Variants in TRHDE observed in about 807,000 individuals in gnomAD.
The protein encoded by TRHDE is thyrotropin releasing hormone degrading enzyme, also known as thyrotropin-releasing hormone-degrading ectoenzyme.
In TRHDE, 72 loss-of-function variants were observed where a neutral mutation model predicts 125.7. The ratio of observed to expected loss-of-function variants is 0.57; its 90% CI spans 0.47 to 0.70. TRHDE has a LOEUF of 0.70. Ranked by LOEUF, TRHDE falls within the 30% of genes least tolerant of loss-of-function variation. TRHDE has a pLI of 0.00. For missense variants in TRHDE, 1,110 were observed against 1,327.1 expected, an observed-to-expected ratio of 0.84 and a Z score of 2.54; for synonymous variants, 509 against 509.1, an observed-to-expected ratio of 1.00 and a Z score of 0.00.
chr12:72,180,614 C>G (rs1877077346), intron 2 of TRHDE, among the ~76,000 whole-genome samples: 1 of 152,240 alleles, frequency 6.6e-6, no homozygotes, highest in East Asian at 1.9e-4. Context: ...AAATCAGTTT[C>G]TTTGTCCTGG....
rs146906711 is a variant in TRHDE at position 72,524,764 on chromosome 12, G to A, written c.1723-17527G>A. The stretch of plus-strand genomic sequence containing the variant: ...TACTATGCTTTTGTCCTTGTCTGTC[G>A]TGTCAGAACACATGAGATGTTCACC... On this transcript the variant is annotated intron_variant, in intron 6 of 18. Transcript: ENST00000261180. Among the ~76,000 whole-genome samples, 1,454 of 152,092 alleles carry A rather than the reference G, an allele frequency of 9.6e-3. 28 individuals carry two copies. Among genetic ancestry groups the A allele is most frequent in the African/African-American group, 0.034 (1,403 of 41,484 alleles).
intron 18 of TRHDE, among the ~76,000 whole-genome samples, chr12:72,662,387 C>T (rs1025199203): frequency 6.6e-6 from 1 of 152,102 alleles, no homozygotes; most frequent in African/African-American, 2.4e-5. Flanking sequence ...TATGGCAAAA[C>T]ATTTAAGAAT....
intron 3 of TRHDE, among the ~76,000 whole-genome samples, chr12:72,405,152 G>C (rs1565729275): frequency 6.6e-6 from 1 of 152,150 alleles, no homozygotes; most frequent in Non-Finnish European, 1.5e-5. Flanking sequence ...TTTTACAAAA[G>C]ACAAAACTGA....
chr12:72,447,395 A>G (rs1875346915), intron 3 of TRHDE, among the ~76,000 whole-genome samples: 1 of 152,168 alleles, frequency 6.6e-6, no homozygotes, highest in Admixed American at 6.6e-5. Flanking sequence ...ATAGCACTAA[A>G]TGCCCACAAG....
chr12:72,276,508 A>G (rs1879492874), intron 1 of TRHDE, among the ~76,000 whole-genome samples: 1 of 152,190 alleles, frequency 6.6e-6, no homozygotes, highest in East Asian at 1.9e-4. Context: ...ACCTGAGCAA[A>G]AGAATTTTGG....
intron 2 of TRHDE, among the ~76,000 whole-genome samples, chr12:72,134,278 A>T (rs1185894108): frequency 6.6e-6 from 1 of 152,142 alleles, no homozygotes; most frequent in East Asian, 1.9e-4. Flanking sequence ...GCTTCATCCT[A>T]CAAATAGGGG....
chr12:72,209,789 A>G (rs1366359366), intron 2 of TRHDE, among the ~76,000 whole-genome samples: 1 of 152,178 alleles, frequency 6.6e-6, no homozygotes, highest in Non-Finnish European at 1.5e-5. Flanking sequence ...TTACTTTCAA[A>G]CAAATTATGG....
At chr12:72,641,816 T>G (rs146484964) in intron 15 of TRHDE, among the ~76,000 whole-genome samples, 19 of 152,328 alleles carry the variant, frequency 1.2e-4, no homozygotes, top group African/African-American at 4.3e-4. Flanking sequence ...CATTCCACTG[T>G]TTTTATGAAT....
intron 1 of TRHDE, among the ~76,000 whole-genome samples, chr12:72,102,983 A>G (rs1189393507): frequency 6.6e-6 from 1 of 152,236 alleles, no homozygotes; most frequent in Non-Finnish European, 1.5e-5. Flanking sequence ...CAGGACAACT[A>G]ACAATCCTTG....
At chr12:72,498,640 C>G (rs1183490485) in intron 5 of TRHDE, among the ~76,000 whole-genome samples, 1 of 152,116 alleles carries the variant, frequency 6.6e-6, no homozygotes, top group Non-Finnish European at 1.5e-5. Flanking sequence ...TAACAAAAAC[C>G]TAGCTGTTTC....
At chr12:72,098,545 AT>A (rs1211640862) in intron 1 of TRHDE, among the ~76,000 whole-genome samples, 3 of 152,128 alleles carry the variant, frequency 2.0e-5, no homozygotes, top group African/African-American at 4.8e-5. Flanking sequence ...ATTTCTTTAA[AT>A]TTGGGCCAGA....
intron 3 of TRHDE, among the ~76,000 whole-genome samples, chr12:72,444,765 T>C (rs1228498166): frequency 6.6e-6 from 1 of 151,836 alleles, no homozygotes; most frequent in Admixed American, 6.6e-5. Flanking sequence ...CACTTGATCT[T>C]ATGGAGTTAA....
intron 6 of TRHDE, among the ~76,000 whole-genome samples, chr12:72,516,565 A>G (rs1263021547): frequency 6.6e-6 from 1 of 152,196 alleles, no homozygotes; most frequent in Admixed American, 6.5e-5. Flanking sequence ...GGGGTTTTCT[A>G]GATATACAAT....
intron 3 of TRHDE, 85 bp from the exon 4 acceptor site, chr12:72,469,673 A>C: frequency 7.0e-7 from 1 of 1,423,838 alleles, no homozygotes; most frequent in Admixed American, 2.2e-5. Flanking sequence ...CCTTATAATT[A>C]GGATTTCTGG....
intron 3 of TRHDE, among the ~76,000 whole-genome samples, chr12:72,399,909 A>T (rs1872967815): frequency 6.6e-6 from 1 of 152,180 alleles, no homozygotes; most frequent in Non-Finnish European, 1.5e-5. Flanking sequence ...AATGTAGATG[A>T]ATAAGCTATC....
At chr12:72,264,905 G>GTT (rs35818955) in intron 2 of TRHDE, among the ~76,000 whole-genome samples, 1,544 of 144,864 alleles carry the variant, frequency 0.011, 50 homozygotes, top group Admixed American at 0.066. Context: ...TAGGTTCATT[G>GTT]TTTTTTTTTT....
intron 2 of TRHDE, among the ~76,000 whole-genome samples, chr12:72,293,729 G>T (rs972223942): frequency 6.6e-6 from 1 of 152,184 alleles, no homozygotes; most frequent in African/African-American, 2.4e-5. Context: ...GGGATGTTTG[G>T]GGTGTCGTTT....
chr12:72,615,575 G>C (rs115422904), intron 12 of TRHDE, among the ~76,000 whole-genome samples: 1,674 of 152,222 alleles, frequency 0.011, 27 homozygotes, highest in African/African-American at 0.038. Context: ...GTCCAATTAA[G>C]TGTACCTACA....
chr12:72,529,857 T>C (rs1868450575), intron 6 of TRHDE, among the ~76,000 whole-genome samples: 2 of 152,212 alleles, frequency 1.3e-5, no homozygotes. Flanking sequence ...TCTGCTTTTA[T>C]TTCACTAAAA....
Sources: allele counts gnomAD v4.1 joint callset (sites outside exome capture counted in the v4.1 genomes callset), GRCh38; gene constraint gnomAD v4.1.1; transcripts MANE v1.5; gene names NCBI Gene and HGNC (gene_info 2026-07-23, HGNC 2026-07-21).